Variants in CORO1C observed in about 807,000 individuals in gnomAD.
CORO1C encodes coronin 1C.
CORO1C carries 14 observed loss-of-function variants against 51.2 expected under a neutral mutation model. The observed-to-expected ratio is 0.27, with a 90% CI of 0.18 to 0.43. The LOEUF is 0.43. Ranked by LOEUF, CORO1C falls within the 20% of genes least tolerant of loss-of-function variation. CORO1C has a pLI of 1.00. For missense variants in CORO1C, 417 were observed against 607.8 expected (o/e 0.69, Z 3.30); for synonymous variants, 181 against 210.5 (o/e 0.86, Z 1.21).
chr12:108,718,125 G>T (rs972155267), intron 1 of CORO1C, among the ~76,000 whole-genome samples: 1 of 152,108 alleles, frequency 6.6e-6, no homozygotes, highest in Non-Finnish European at 1.5e-5. Context: ...AGGCCAAGGC[G>T]GGCAGATCAC....
intron 8 of CORO1C, chr12:108,649,562 A>C (rs2136791695): frequency 6.3e-6 from 1 of 159,176 alleles, no homozygotes; most frequent in Admixed American, 5.9e-5. Flanking sequence ...ATGTGAAACT[A>C]TCCAAAATGT....
chr12:108,673,410 A>T (rs995371601), intron 3 of CORO1C, among the ~76,000 whole-genome samples: 1 of 152,372 alleles, frequency 6.6e-6, no homozygotes, highest in South Asian at 2.1e-4. Flanking sequence ...TTAGTTCATG[A>T]GGTTAACGAA....
chr12:108,718,364 G>C (rs535500576), intron 1 of CORO1C, among the ~76,000 whole-genome samples: 2 of 122,048 alleles, frequency 1.6e-5, no homozygotes, highest in East Asian at 5.4e-4. Flanking sequence ...GTGAGACTCC[G>C]TCTCGAAAAA....
intron 1 of CORO1C, among the ~76,000 whole-genome samples, chr12:108,706,186 C>CAAAAAAAA (rs368147183): frequency 6.7e-5 from 8 of 118,532 alleles, no homozygotes; most frequent in East Asian, 3.5e-4. Flanking sequence ...GACTCTGAAT[C>CAAAAAAAA]AAAAAAAAAC....
Position 108,663,873 on chromosome 12 carries a change from C to G in CORO1C, c.319-1715G>C, listed in dbSNP as rs181699722. 4.6e-5 allele frequency among the ~76,000 whole-genome samples: 7 copies of G among 152,190 alleles called. No homozygotes were observed. In the East Asian group the frequency reaches 9.6e-4, roughly 21 times the overall value. On this transcript the variant is annotated intron_variant, in intron 3 of 10. Transcript: ENST00000261401. ...TTGTTATTTAAGAAAATCCTCTTGA[C>G]TAGTGAAGACATGCAGAAGACTCAC...
chr12:108,692,187 A>G (rs1565924285), intron 2 of CORO1C, among the ~76,000 whole-genome samples: 1 of 151,586 alleles, frequency 6.6e-6, no homozygotes, highest in Non-Finnish European at 1.5e-5. Context: ...CCTGTCCCCC[A>G]GCTTTTCACG....
At chr12:108,708,925 T>G (rs2035105317) in intron 1 of CORO1C, among the ~76,000 whole-genome samples, 1 of 152,034 alleles carries the variant, frequency 6.6e-6, no homozygotes, top group African/African-American at 2.4e-5. Context: ...GCTAATTTTT[T>G]TTTTGGTAGA....
chr12:108,704,049 C>T (rs2034956473), intron 1 of CORO1C, among the ~76,000 whole-genome samples: 1 of 152,126 alleles, frequency 6.6e-6, no homozygotes, highest in African/African-American at 2.4e-5. Context: ...ACGATTTTTC[C>T]TCTTCACTCA....
At chr12:108,660,823 T>C (rs184030824) in intron 4 of CORO1C, among the ~76,000 whole-genome samples, 75 of 152,250 alleles carry the variant, frequency 4.9e-4, no homozygotes, top group Non-Finnish European at 5.0e-4. Flanking sequence ...TTCCCAAGTA[T>C]AGTCGATGGT....
intron 3 of CORO1C, among the ~76,000 whole-genome samples, chr12:108,671,062 G>C (rs1565911670): frequency 6.6e-6 from 1 of 152,060 alleles, no homozygotes; most frequent in Non-Finnish European, 1.5e-5. Context: ...GCCTGGCATG[G>C]TGGCTCACAC....
chr12:108,717,373 T>A (rs1383111900), intron 1 of CORO1C, among the ~76,000 whole-genome samples: 1 of 152,238 alleles, frequency 6.6e-6, no homozygotes, highest in Non-Finnish European at 1.5e-5. Flanking sequence ...GTACTTGCAG[T>A]CTTGGGAGCC....
chr12:108,714,580 G>A (rs1314626330), intron 1 of CORO1C, among the ~76,000 whole-genome samples: 6 of 151,280 alleles, frequency 4.0e-5, no homozygotes, highest in Non-Finnish European at 8.8e-5. Context: ...GGGCAACATG[G>A]CAAAACTCCA....
chr12:108,700,884 C>A, intron 2 of CORO1C: 1 of 448,186 alleles, frequency 2.2e-6, no homozygotes, highest in East Asian at 3.6e-5. Context: ...CTCACAACAT[C>A]GTTATAATAA....
chr12:108,650,094 C>T (rs914992486), intron 8 of CORO1C, among the ~76,000 whole-genome samples: 1 of 151,182 alleles, frequency 6.6e-6, no homozygotes, highest in African/African-American at 2.4e-5. Flanking sequence ...ATAAAATCAT[C>T]ATCCTCTTTA....
intron 1 of CORO1C, among the ~76,000 whole-genome samples, chr12:108,721,123 G>A (rs973942369): frequency 2.6e-5 from 4 of 152,210 alleles, no homozygotes; most frequent in Non-Finnish European, 5.9e-5. Flanking sequence ...AATCCCAGAT[G>A]TAATTAGTAT....
intron 8 of CORO1C, chr12:108,651,977 A>T (rs2136795070): frequency 4.9e-6 from 1 of 203,684 alleles, no homozygotes; most frequent in East Asian, 1.3e-4. Flanking sequence ...GTGAGCTGAG[A>T]TCACACCACT....
At chr12:108,715,911 A>G (rs1412501800) in intron 1 of CORO1C, among the ~76,000 whole-genome samples, 1 of 151,874 alleles carries the variant, frequency 6.6e-6, no homozygotes, top group Non-Finnish European at 1.5e-5. Flanking sequence ...AGGCGGGTGG[A>G]TCACAAGGTC....
At chr12:108,706,856 T>C (rs942380551) in intron 1 of CORO1C, among the ~76,000 whole-genome samples, 1 of 152,204 alleles carries the variant, frequency 6.6e-6, no homozygotes, top group African/African-American at 2.4e-5. Flanking sequence ...AGTGCTGGGA[T>C]TACAGGTGTG....
chr12:108,674,939 T>A (rs1565913956), intron 3 of CORO1C, among the ~76,000 whole-genome samples: 1 of 152,204 alleles, frequency 6.6e-6, no homozygotes, highest in Non-Finnish European at 1.5e-5. Flanking sequence ...TTGAGAGGAC[T>A]GACTCCAATT....
Sources: gnomAD v4.1 joint callset for allele counts (sites outside exome capture counted in the v4.1 genomes callset) on GRCh38, gnomAD v4.1.1 for gene constraint, MANE v1.5 for transcripts, NCBI Gene and HGNC (gene_info 2026-07-23, HGNC 2026-07-21) for gene names.